The following MAPKBP1 variants were observed in gnomAD, a reference collection of about 807,000 sequenced individuals.
MAPKBP1 encodes mitogen-activated protein kinase binding protein 1, also known as mitogen-activated protein kinase-binding protein 1.
MAPKBP1 carries 71 observed loss-of-function variants against 170.5 expected under a neutral mutation model. That is an observed-to-expected ratio of 0.42 (90% CI 0.34 to 0.51). The LOEUF (loss-of-function observed/expected upper bound fraction) is 0.51. MAPKBP1 is among the 20% of genes least tolerant of loss of function. The probability of loss-of-function intolerance (pLI) is 0.06; values close to 1 mark genes in which losing one functional copy is unlikely to be tolerated. For synonymous variants in MAPKBP1, 719 were observed against 757.9 expected (o/e 0.95, Z 0.84); for missense variants, 1,598 against 1,933.0 (o/e 0.83, Z 3.25).
intron 2 of MAPKBP1, among the ~76,000 whole-genome samples, chr15:41,786,315 A>C (rs2064285668): frequency 6.6e-6 from 1 of 152,102 alleles, no homozygotes; most frequent in East Asian, 1.9e-4. Context: ...ATTTTTCACA[A>C]AGAGCCTGCA....
intron 3 of MAPKBP1, among the ~76,000 whole-genome samples, chr15:41,801,031 G>A (rs917645250): frequency 6.6e-6 from 1 of 152,202 alleles, no homozygotes; most frequent in Non-Finnish European, 1.5e-5. Context: ...CACCACGCCT[G>A]GCCAGCATAA....
chr15:41,822,175 T>A, intron 25 of MAPKBP1, 50 bp from the exon 26 acceptor site: 1 of 1,601,874 alleles, frequency 6.2e-7, no homozygotes, highest in Admixed American at 1.7e-5. Context: ...GGGGAGGCTC[T>A]GGCAACAGAT....
rs368260418 is a variant in MAPKBP1, at chr15:41,813,609, C to T, written c.820-12C>T. ...CAGGTGGCCTTGCTGAGCTGAGCCACTCTGCCCACAGACCACAGTGGCCCA... is the reference window on the plus strand; with the variant it reads ...CAGGTGGCCTTGCTGAGCTGAGCCATTCTGCCCACAGACCACAGTGGCCCA... On this transcript the variant is annotated splice_polypyrimidine_tract_variant and intron_variant, in intron 8 of 30. Transcript: ENST00000457542. 279 of 1,612,774 alleles carry T rather than the reference C, an allele frequency of 1.7e-4. 1 individual carries two copies. The highest frequency in any genetic ancestry group is 4.4e-4 in the Admixed American group (26 of 59,686).
intron 23 of MAPKBP1, 23 bp downstream of exon 23, chr15:41,821,091 C>T (rs1258400608): frequency 6.2e-7 from 1 of 1,610,154 alleles, no homozygotes; most frequent in East Asian, 2.2e-5. Flanking sequence ...TCTCCCAGCT[C>T]TCTAGAGAGT....
intron 3 of MAPKBP1, among the ~76,000 whole-genome samples, chr15:41,809,982 C>G (rs1285356641): frequency 2.0e-5 from 3 of 152,238 alleles, no homozygotes; most frequent in Admixed American, 6.5e-5. Flanking sequence ...CAGGCTATCT[C>G]TATCCCCCAC....
At chr15:41,820,372 G>T (rs1471867773) in intron 22 of MAPKBP1, among the ~76,000 whole-genome samples, 1 of 152,124 alleles carries the variant, frequency 6.6e-6, no homozygotes, top group East Asian at 1.9e-4. Context: ...GAGGCAAAAG[G>T]AGTGGTTGGG....
In MAPKBP1 at chr15:41,809,722, GCTTCT is replaced by G. The variant is rs773356267; in HGVS notation, c.207-1160_207-1156del. Among the ~76,000 whole-genome samples the G allele has an allele frequency of 2.6e-5, 4 of 152,358 alleles. No homozygotes were observed. The South Asian group carries it at 8.3e-4, about 32-fold the overall frequency. On this transcript the variant is annotated intron_variant, in intron 3 of 30. Transcript: ENST00000457542. Reference sequence around the variant, plus strand: ...GAAGCTGCCTGGCTATTGGCCTTTGGCTTCTTGCCCCCGATTCCTACTACCCAGCT... The same window carrying G: ...GAAGCTGCCTGGCTATTGGCCTTTGGTGCCCCCGATTCCTACTACCCAGCT...
intron 30 of MAPKBP1, 79 bp downstream of exon 30, chr15:41,824,648 G>T: frequency 7.4e-7 from 1 of 1,345,682 alleles, no homozygotes; most frequent in Non-Finnish European, 1.0e-6. Flanking sequence ...GTCCAGAACA[G>T]TATGCTAAGC....
At position 41,816,806 on chromosome 15, in the gene MAPKBP1, C is replaced by T. The variant is rs2064899828; in HGVS notation, c.1586-104C>T. 2.0e-6 allele frequency: 3 copies of T among 1,522,310 alleles called. No individual in the cohort carries two copies. In the Admixed American group the frequency reaches 5.5e-5, roughly 28 times the overall value. 94.3% of individuals were successfully genotyped at this position (1,522,310 alleles called of 1,614,324 possible). A position where few individuals can be genotyped will look rare whatever the true frequency, so the allele number is the denominator to read the frequency against. ...AGCTCTGTCCTTGCTCCATGGTTCA[C>T]ATGGCTTGGGGATATGGGGCTCAGT... On this transcript the variant is annotated intron_variant, in intron 13 of 30. Transcript: ENST00000457542.
intron 3 of MAPKBP1, among the ~76,000 whole-genome samples, chr15:41,808,475 C>T (rs2064744152): frequency 6.7e-6 from 1 of 149,858 alleles, no homozygotes; most frequent in South Asian, 2.1e-4. Context: ...TTGCTTTTGT[C>T]GTACTTTTTT....
At chr15:41,785,422 T>A (rs1038270606) in intron 2 of MAPKBP1, among the ~76,000 whole-genome samples, 12 of 152,198 alleles carry the variant, frequency 7.9e-5, no homozygotes, top group Admixed American at 5.9e-4. Flanking sequence ...GGAATTTTTT[T>A]AAAATGTCAA....
At chr15:41,816,688 G>T (rs760900348) in intron 13 of MAPKBP1, 38 bp downstream of exon 13, 2 of 1,576,524 alleles carry the variant, frequency 1.3e-6, no homozygotes, top group Non-Finnish European at 1.7e-6. Flanking sequence ...GGCTCCTCCA[G>T]TCCTGCCGGT....
chr15:41,796,339 C>G (rs2064488493), intron 2 of MAPKBP1, among the ~76,000 whole-genome samples: 1 of 152,160 alleles, frequency 6.6e-6, no homozygotes, highest in South Asian at 2.1e-4. Flanking sequence ...CTACCACCTT[C>G]TTGGAAAGGA....
intron 2 of MAPKBP1, among the ~76,000 whole-genome samples, chr15:41,778,062 A>T (rs2064126370): frequency 6.6e-6 from 1 of 152,294 alleles, no homozygotes; most frequent in East Asian, 1.9e-4. Flanking sequence ...TGAAACCAAT[A>T]TCTTATTGTT....
At chr15:41,811,624 C>T (rs1197672) in intron 5 of MAPKBP1, 176,997 of 612,654 alleles carry the variant, frequency 0.29, 27,630 homozygotes, top group Middle Eastern at 0.44. Flanking sequence ...TCTGTCCTGG[C>T]GGCGTAGTCT....
At chr15:41,806,480 T>C (rs1389734059) in intron 3 of MAPKBP1, among the ~76,000 whole-genome samples, 1 of 152,148 alleles carries the variant, frequency 6.6e-6, no homozygotes, top group East Asian at 1.9e-4. Flanking sequence ...TGGTAGGAGG[T>C]GGATCCTATG....
chr15:41,795,717 C>T lies in MAPKBP1; in HGVS notation c.115-4106C>T, dbSNP rs572687770. On this transcript the variant is annotated intron_variant, in intron 2 of 30. Transcript: ENST00000457542. ...TGCCTCCCGGGTTCACACCATTGTC[C>T]TGCCTCAGCCTCCCCAGCAGCTGGG... Among the ~76,000 whole-genome samples, 68 of 152,310 alleles carry T rather than the reference C, an allele frequency of 4.5e-4. No homozygotes were observed. The South Asian group carries it at 0.011, about 24-fold the overall frequency.
At chr15:41,777,912 C>T (rs1197367469) in intron 2 of MAPKBP1, among the ~76,000 whole-genome samples, 1 of 152,218 alleles carries the variant, frequency 6.6e-6, no homozygotes, top group East Asian at 1.9e-4. Flanking sequence ...GCTCTTACTT[C>T]AGATGGCCTC....
In MAPKBP1 at chr15:41,818,616, T is replaced by A; in HGVS notation, c.2156+34T>A. 6.3e-7 allele frequency: 1 copy of A among 1,594,708 alleles called. No homozygotes were observed. Among genetic ancestry groups the A allele is most frequent in the Non-Finnish European group, 8.6e-7 (1 of 1,166,936 alleles). On this transcript the variant is annotated intron_variant, in intron 19 of 30. Transcript: ENST00000457542. This position sits in a 1 kb window ranked among gnomAD's most constrained non-coding sequence, Gnocchi z 5.2. ...AAGCCAGCTTCCCTGAGAGGCAGATTCTTACTCTGCCACAGCACCCTGCCC... is the reference window on the plus strand; with the variant it reads ...AAGCCAGCTTCCCTGAGAGGCAGATACTTACTCTGCCACAGCACCCTGCCC...
Sources: gnomAD v4.1 joint callset for allele counts (sites outside exome capture counted in the v4.1 genomes callset) on GRCh38, gnomAD v4.1.1 for gene constraint, Gnocchi (gnomAD v3.1) non-coding constraint, MANE v1.5 for transcripts, NCBI Gene and HGNC (gene_info 2026-07-23, HGNC 2026-07-21) for gene names.